LRRIQ1: variants seen among roughly 807,000 people sequenced by gnomAD.
LRRIQ1 encodes the protein leucine-rich repeat- and IQ domain-containing protein 1.
In LRRIQ1, 210 loss-of-function variants were observed where a neutral mutation model predicts 211.9. The observed-to-expected ratio is 0.99, with a 90% CI of 0.89 to 1.11. The LOEUF (loss-of-function observed/expected upper bound fraction) is 1.11, where lower values mean the gene tolerates loss of function less well. Ranked by LOEUF, LRRIQ1 falls within the 50% of genes most tolerant of loss-of-function variation. The probability of loss-of-function intolerance (pLI) is 0.00; values close to 1 mark genes in which losing one functional copy is unlikely to be tolerated. For missense variants in LRRIQ1, 2,136 were observed against 1,939.5 expected, an observed-to-expected ratio of 1.10 and a Z score of -1.90; for synonymous variants, 699 against 650.1, an observed-to-expected ratio of 1.08 and a Z score of -1.14.
At chr12:85,068,918 CTTATTTATTTAT>C (rs534816604) in intron 10 of LRRIQ1, among the ~76,000 whole-genome samples, 2 of 149,752 alleles carry the variant, frequency 1.3e-5, no homozygotes, top group Non-Finnish European at 3.0e-5. Context: ...CCTGTATTTT[CTTATTTATTTAT>C]TTATTTATTT....
At chr12:85,185,745 T>G (rs1454648148) in intron 24 of LRRIQ1, among the ~76,000 whole-genome samples, 1 of 152,014 alleles carries the variant, frequency 6.6e-6, no homozygotes, top group Non-Finnish European at 1.5e-5. Flanking sequence ...AGAAATACAA[T>G]TTTATTCCAC....
chr12:85,241,867 A>C (rs1326407377), intron 26 of LRRIQ1, among the ~76,000 whole-genome samples: 1 of 152,018 alleles, frequency 6.6e-6, no homozygotes, highest in Non-Finnish European at 1.5e-5. Flanking sequence ...AGAAGAGGAA[A>C]TCCCTCTTGT....
chr12:85,209,414 C>G (rs1001562049), intron 24 of LRRIQ1, among the ~76,000 whole-genome samples: 1 of 152,096 alleles, frequency 6.6e-6, no homozygotes, highest in Non-Finnish European at 1.5e-5. Flanking sequence ...AGGTAACCAC[C>G]CCCATGATTC....
intron 19 of LRRIQ1, among the ~76,000 whole-genome samples, chr12:85,146,549 A>G (rs934278766): frequency 1.3e-5 from 2 of 151,770 alleles, no homozygotes; most frequent in African/African-American, 4.8e-5. Flanking sequence ...GAAGGAGGCT[A>G]TAGGGGCAGT....
chr12:85,099,660 C>G (rs150729416), intron 13 of LRRIQ1, among the ~76,000 whole-genome samples: 18 of 151,854 alleles, frequency 1.2e-4, no homozygotes, highest in African/African-American at 4.3e-4. Context: ...ATTTCTTCAT[C>G]AAAGGCACAA....
intron 11 of LRRIQ1, among the ~76,000 whole-genome samples, chr12:85,081,273 T>C (rs567390509): frequency 6.6e-6 from 1 of 152,296 alleles, no homozygotes; most frequent in East Asian, 1.9e-4. Flanking sequence ...GATTCGGTAG[T>C]ACCATTTTAA....
At chr12:85,102,953 A>ATATATATATATAT (rs1555207709) in intron 13 of LRRIQ1, among the ~76,000 whole-genome samples, 84 of 118,720 alleles carry the variant, frequency 7.1e-4, no homozygotes, top group African/African-American at 2.4e-3. Context: ...GCAAAAAAAA[A>ATATATATATATAT]AAAAAAATAT....
chr12:85,167,772 G>A (rs1465723961), intron 24 of LRRIQ1, among the ~76,000 whole-genome samples: 1 of 152,124 alleles, frequency 6.6e-6, no homozygotes, highest in African/African-American at 2.4e-5. Context: ...TTGACACCCA[G>A]TATTAACCAT....
At chr12:85,108,257 C>A (rs760717637) in intron 15 of LRRIQ1, among the ~76,000 whole-genome samples, 3 of 152,124 alleles carry the variant, frequency 2.0e-5, no homozygotes, top group Non-Finnish European at 4.4e-5. Context: ...CCAAAGAAAT[C>A]GTTGGAGTAA....
intron 24 of LRRIQ1, among the ~76,000 whole-genome samples, chr12:85,183,770 A>G (rs1355299393): frequency 6.6e-6 from 1 of 152,108 alleles, no homozygotes; most frequent in Non-Finnish European, 1.5e-5. Context: ...TGCCAAGGGA[A>G]TTAAACTCAG....
chr12:85,099,176 G>T (rs1039998305), intron 13 of LRRIQ1, among the ~76,000 whole-genome samples, 182 bp downstream of exon 13: 6 of 151,494 alleles, frequency 4.0e-5, no homozygotes, highest in Admixed American at 2.6e-4. Context: ...TGAATTATTG[G>T]CATACCCTAA....
intron 19 of LRRIQ1, among the ~76,000 whole-genome samples, chr12:85,148,242 A>G (rs1327514891): frequency 2.0e-5 from 3 of 151,614 alleles, no homozygotes; most frequent in Non-Finnish European, 2.9e-5. Flanking sequence ...ACATAGGTAT[A>G]CGTGTCCCAT....
Position 85,153,024 on chromosome 12 carries a change from A to C in LRRIQ1, c.4420A>C (p.Ile1474Leu). ...ACTTATTTACTTTTTTTGTGAAAAG[A>C]TTCCTGGAAACTTAAAATGGGATGA... ...LLSNQLHWPK[I>L]PGNLKWDDTS... The change falls in exon 21 of 27, where the codon ATT (isoleucine) becomes CTT (leucine). Residue 1474 changes from isoleucine to leucine, a missense_variant and splice_region_variant. Ile to Leu is a conservative substitution (Grantham distance 5). Transcript: ENST00000393217. 6.5e-7 allele frequency: 1 copy of C among 1,542,230 alleles called. No homozygotes were observed. Among genetic ancestry groups the C allele is most frequent in the Non-Finnish European group, 8.8e-7 (1 of 1,135,068 alleles).
chr12:85,186,433 G>A (rs912043954), intron 24 of LRRIQ1, among the ~76,000 whole-genome samples: 2 of 152,008 alleles, frequency 1.3e-5, no homozygotes, highest in Admixed American at 6.6e-5. Context: ...CTGTTGCCTC[G>A]ATTGTGACCT....
intron 24 of LRRIQ1, among the ~76,000 whole-genome samples, chr12:85,190,191 C>G (rs1479183684): frequency 1.4e-5 from 2 of 142,256 alleles, no homozygotes; most frequent in African/African-American, 5.1e-5. Context: ...TATAATAATT[C>G]AATATATTAT....
chr12:85,216,567 A>G (rs1894099337), intron 24 of LRRIQ1, among the ~76,000 whole-genome samples: 1 of 151,242 alleles, frequency 6.6e-6, no homozygotes. Context: ...TACACATAGT[A>G]TATGTAAAAT....
At position 85,040,601 on chromosome 12, in the gene LRRIQ1, A is replaced by C; in HGVS notation, c.244A>C (p.Ser82Arg). The change falls in exon 3 of 27, where the codon AGC becomes CGC. Residue 82 changes from serine to arginine, a missense_variant and splice_region_variant. Coordinates refer to ENST00000393217, the MANE Select transcript of LRRIQ1 (RefSeq NM_001079910.2). ...GGACCTGGAAGATACTGATATTTTA[A>C]GTAAGTACTATTTTCATCTGTCTGG... The part of the protein sequence containing the change: ...LQDLEDTDIL[S>R]CSYGAVSNNH... The C allele has an allele frequency of 1.3e-6, 2 of 1,534,436 alleles. No homozygotes were observed. Among genetic ancestry groups the C allele is most frequent in the Non-Finnish European group, 1.8e-6 (2 of 1,114,506 alleles).
In LRRIQ1 at chr12:85,055,589, A is replaced by G; in HGVS notation, c.796A>G (p.Thr266Ala). 1 of 1,558,890 alleles carries G rather than the reference A, an allele frequency of 6.4e-7. No individual in the cohort carries two copies. Among genetic ancestry groups the G allele is most frequent in the South Asian group, 1.2e-5 (1 of 81,106 alleles). Residue 266 changes from threonine (T) to alanine (A), a missense_variant, in exon 8 of 27, where the codon ACA becomes GCA. Thr to Ala is a moderately conservative substitution (Grantham distance 58, BLOSUM62 0). Transcript: ENST00000393217. ...GCATTTACAAATGGAAGAAGAAAGA[A>G]CAAGATTTAAAGACCAACAAGAAAA... ...NLHLQMEEER[T>A]RFKDQQEKEK...
intron 19 of LRRIQ1, among the ~76,000 whole-genome samples, chr12:85,143,315 G>C (rs772524794): frequency 3.3e-5 from 5 of 151,418 alleles, no homozygotes; most frequent in Non-Finnish European, 5.9e-5. Flanking sequence ...TTTGTTGTTT[G>C]TTATTGAGTT....
Sources: allele counts gnomAD v4.1 joint callset (sites outside exome capture counted in the v4.1 genomes callset), GRCh38; gene constraint gnomAD v4.1.1; transcripts MANE v1.5; gene names NCBI Gene and HGNC (gene_info 2026-07-23, HGNC 2026-07-21).